The following PALM2AKAP2 variants were observed in gnomAD, a reference collection of about 807,000 sequenced individuals.
PALM2AKAP2 encodes PALM2 and AKAP2 fusion.
In PALM2AKAP2, 37 loss-of-function variants were observed where a neutral mutation model predicts 71.5. That is an observed-to-expected ratio of 0.52 (90% CI 0.40 to 0.68). The LOEUF is 0.68. Among genes scored for constraint, PALM2AKAP2 ranks in the 30% least tolerant of loss-of-function variants. PALM2AKAP2 has a pLI of 0.00. For missense variants in PALM2AKAP2, 1,224 were observed against 1,191.8 expected (o/e 1.03, Z -0.40); for synonymous variants, 468 against 478.8 (o/e 0.98, Z 0.29).
chr9:109,934,541 C>A (rs911039341), intron 6 of PALM2AKAP2, among the ~76,000 whole-genome samples: 4 of 152,158 alleles, frequency 2.6e-5, no homozygotes, highest in African/African-American at 9.7e-5. Flanking sequence ...CCTGTCCCTC[C>A]CCTCTGCACG....
At chr9:109,943,416 TGTC>T in intron 6 of PALM2AKAP2, 1 of 1,609,870 alleles carries the variant, frequency 6.2e-7, no homozygotes, top group Non-Finnish European at 8.5e-7. Flanking sequence ...AATGCTGTGT[TGTC>T]ATGTGACCAC....
At chr9:110,124,960 G>A (rs1010677323) in intron 1 of PALM2AKAP2, among the ~76,000 whole-genome samples, 5 of 152,172 alleles carry the variant, frequency 3.3e-5, no homozygotes, top group Non-Finnish European at 5.9e-5. Context: ...GATGACAATG[G>A]AATGAAATAA....
At chr9:109,946,003 A>T (rs1377612820) in intron 6 of PALM2AKAP2, 1 of 152,234 alleles carries the variant, frequency 6.6e-6, no homozygotes, top group South Asian at 2.1e-4. Flanking sequence ...CTGAAGTAAG[A>T]TGTGTTACCT....
At chr9:109,780,324 C>T (rs185972588), upstream of PALM2AKAP2, 14 of 1,409,676 alleles carry the variant, frequency 9.9e-6, no homozygotes, top group East Asian at 2.6e-5. Context: ...GCGAGCCCGC[C>T]GTGCGCACAG....
Position 109,945,327 on chromosome 9 carries a change from T to C in PALM2AKAP2, c.496+13299T>C, listed in dbSNP as rs150777818. On this transcript the variant is annotated intron_variant, in intron 6 of 9. Coordinates refer to the PALM2AKAP2 transcript ENST00000302798. ...AGGAGCTAAGTTCTGCTGTTGAAGA[T>C]TATTTCATCCAAGGCTTGGTTTTGA... 8.5e-5 allele frequency: 13 copies of C among 152,308 alleles called. No homozygotes were observed. The East Asian group carries it at 2.3e-3, about 27-fold the overall frequency. 9.4% of individuals were successfully genotyped at this position (152,308 alleles called of 1,614,324 possible). A position where few individuals can be genotyped will look rare whatever the true frequency, so the allele number is the denominator to read the frequency against.
chr9:109,685,017 G>A (rs947151128), intron 1 of PALM2AKAP2, among the ~76,000 whole-genome samples: 9 of 152,060 alleles, frequency 5.9e-5, no homozygotes, highest in African/African-American at 1.9e-4. Context: ...GAATCTTAAA[G>A]GATTATACTA....
At chr9:110,072,004 A>G (rs951220713) in intron 1 of PALM2AKAP2, among the ~76,000 whole-genome samples, 1 of 152,228 alleles carries the variant, frequency 6.6e-6, no homozygotes, top group African/African-American at 2.4e-5. Flanking sequence ...AAGGTGAGTT[A>G]GTAGTAGTTC....
At chr9:109,902,565 G>C (rs528946188) in intron 3 of PALM2AKAP2, among the ~76,000 whole-genome samples, 4 of 152,372 alleles carry the variant, frequency 2.6e-5, no homozygotes, top group Admixed American at 2.6e-4. Context: ...TTTGTTAGGT[G>C]AGATGTGTCA....
exon 2 of PALM2AKAP2, chr9:110,138,420 C>T: frequency 6.2e-7 from 1 of 1,614,234 alleles, no homozygotes; most frequent in Admixed American, 1.7e-5. Context: ...GAGATCCGAG[C>T]AGCTCAGGAA....
At chr9:109,692,273 A>G (rs1184540887) in intron 1 of PALM2AKAP2, among the ~76,000 whole-genome samples, 1 of 151,878 alleles carries the variant, frequency 6.6e-6, no homozygotes, top group African/African-American at 2.4e-5. Context: ...TAGATATACA[A>G]TTGAGTTTTG....
intron 1 of PALM2AKAP2, among the ~76,000 whole-genome samples, chr9:109,764,005 A>G (rs560225929): frequency 1.3e-5 from 2 of 152,304 alleles, no homozygotes; most frequent in African/African-American, 2.4e-5. Context: ...CACATTCACA[A>G]GTACAAGGGG....
At chr9:110,109,036 G>C (rs969641612) in intron 1 of PALM2AKAP2, among the ~76,000 whole-genome samples, 1 of 151,920 alleles carries the variant, frequency 6.6e-6, no homozygotes, top group African/African-American at 2.4e-5. Context: ...TTCAGAAACC[G>C]GTCCGGCGCG....
At chr9:109,668,333 T>C (rs1250377967) in intron 1 of PALM2AKAP2, among the ~76,000 whole-genome samples, 2 of 152,234 alleles carry the variant, frequency 1.3e-5, no homozygotes, top group African/African-American at 2.4e-5. Context: ...AAACTGTCAT[T>C]TGCATATAGA....
intron 2 of PALM2AKAP2, 52 bp downstream of exon 2, chr9:109,867,623 C>G (rs1169028639): frequency 6.4e-7 from 1 of 1,566,280 alleles, no homozygotes; most frequent in Non-Finnish European, 8.6e-7. Flanking sequence ...GCAGATCACA[C>G]TCCGGAGAGC....
intron 1 of PALM2AKAP2, among the ~76,000 whole-genome samples, chr9:109,677,715 C>T (rs1403069596): frequency 1.3e-5 from 2 of 151,328 alleles, no homozygotes; most frequent in African/African-American, 2.4e-5. Flanking sequence ...ATGGGGTTGA[C>T]TTGGTCCTGC....
upstream of PALM2AKAP2, chr9:110,048,500 C>A: frequency 1.8e-6 from 1 of 558,642 alleles, no homozygotes; most frequent in Non-Finnish European, 3.1e-6. Context: ...TCATTCATTT[C>A]TTCGTTTGTG....
At chr9:109,800,081 T>C (rs534947890) in intron 1 of PALM2AKAP2, among the ~76,000 whole-genome samples, 23 of 152,314 alleles carry the variant, frequency 1.5e-4, no homozygotes, top group African/African-American at 4.1e-4. Context: ...GGTGGAGAGA[T>C]TGATGGGCAG....
At chr9:109,685,568 A>G (rs1175549104) in intron 1 of PALM2AKAP2, among the ~76,000 whole-genome samples, 2 of 152,200 alleles carry the variant, frequency 1.3e-5, no homozygotes, top group Non-Finnish European at 1.5e-5. Context: ...TAAGTGTGCA[A>G]TAGAATTCTG....
At chr9:109,824,889 G>A (rs527329791) in intron 1 of PALM2AKAP2, among the ~76,000 whole-genome samples, 80 of 152,312 alleles carry the variant, frequency 5.3e-4, no homozygotes, top group Non-Finnish European at 9.7e-4. Flanking sequence ...TGTTAACGAT[G>A]TCATGTTTAA....
Sources: gnomAD v4.1 joint callset for allele counts (sites outside exome capture counted in the v4.1 genomes callset) on GRCh38, gnomAD v4.1.1 for gene constraint, MANE v1.5 for transcripts, NCBI Gene and HGNC (gene_info 2026-07-23, HGNC 2026-07-21) for gene names.